Variants in CIB4 observed in about 807,000 individuals in gnomAD.
CIB4 encodes calcium and integrin-binding family member 4.
In CIB4, 25 loss-of-function variants were observed where a neutral mutation model predicts 25.8. The observed-to-expected ratio is 0.97, with a 90% CI of 0.71 to 1.35. CIB4 has a LOEUF of 1.35. Ranked by LOEUF, CIB4 falls within the 40% of genes most tolerant of loss-of-function variation. The probability of loss-of-function intolerance (pLI) is 0.00; values close to 1 mark genes in which losing one functional copy is unlikely to be tolerated. For missense variants in CIB4, 235 were observed against 228.2 expected (o/e 1.03, Z -0.19); for synonymous variants, 75 against 81.4 (o/e 0.92, Z 0.42).
intron 3 of CIB4, among the ~76,000 whole-genome samples, chr2:26,603,236 G>A (rs1026155967): frequency 2.9e-4 from 44 of 152,236 alleles, no homozygotes; most frequent in African/African-American, 9.4e-4. Context: ...TCAGAGGAAC[G>A]AAAAACACGC....
At chr2:26,586,630 C>A (rs565362825) in intron 4 of CIB4, among the ~76,000 whole-genome samples, 1 of 152,182 alleles carries the variant, frequency 6.6e-6, no homozygotes, top group African/African-American at 2.4e-5. Flanking sequence ...GAATAAATAA[C>A]GAATGAACTA....
chr2:26,621,625 C>T (rs1214157312), intron 3 of CIB4, among the ~76,000 whole-genome samples: 2 of 152,164 alleles, frequency 1.3e-5, no homozygotes, highest in African/African-American at 4.8e-5. Context: ...ACATTTATCT[C>T]CATGCAGCCT....
Position 26,639,071 on chromosome 2 carries a change from T to C in CIB4, c.89+1462A>G, listed in dbSNP as rs77895880. Among the ~76,000 whole-genome samples the C allele has an allele frequency of 6.6e-3, 1,011 of 152,144 alleles. 9 individuals are homozygous for C. Among genetic ancestry groups the C allele is most frequent in the Middle Eastern group, 0.014 (4 of 288 alleles). On this transcript the variant is annotated intron_variant, in intron 2 of 6. Coordinates refer to ENST00000288861, the MANE Select transcript of CIB4 (RefSeq NM_001029881.3). ...TGTTGGCTTATGTATGGAAAATTCT[T>C]CCAGAAGGCTAGATGGTAAGACAAA... is the stretch of plus-strand genomic sequence containing the variant.
intron 3 of CIB4, among the ~76,000 whole-genome samples, chr2:26,621,252 GAAAAAAAA>G (rs10689851): frequency 9.8e-6 from 1 of 101,912 alleles, no homozygotes; most frequent in Admixed American, 9.8e-5. Context: ...AAGTTTCCAG[GAAAAAAAA>G]AAAAAAAAAA....
At chr2:26,612,773 T>G (rs1196037217) in intron 3 of CIB4, among the ~76,000 whole-genome samples, 1 of 152,172 alleles carries the variant, frequency 6.6e-6, no homozygotes, top group African/African-American at 2.4e-5. Context: ...CGTGACGACT[T>G]TCCTGAAGGT....
intron 4 of CIB4, among the ~76,000 whole-genome samples, chr2:26,588,105 A>T (rs989422339): frequency 6.6e-6 from 1 of 152,212 alleles, no homozygotes; most frequent in African/African-American, 2.4e-5. Context: ...GAGCAGGTGA[A>T]GGGGGCGAAG....
At chr2:26,596,573 G>C (rs567897426) in intron 3 of CIB4, among the ~76,000 whole-genome samples, 2 of 151,964 alleles carry the variant, frequency 1.3e-5, no homozygotes, top group Non-Finnish European at 2.9e-5. Flanking sequence ...GTGAAACCCC[G>C]TCTCTACTAA....
chr2:26,589,099 T>TTCTTCC lies in CIB4; in HGVS notation c.329-5202_329-5201insGGAAGA, dbSNP rs1558555059. Among the ~76,000 whole-genome samples the TTCTTCC allele has an allele frequency of 8.2e-4, 62 of 75,216 alleles. 1 individual carries two copies. The highest frequency in any genetic ancestry group is 2.4e-3 in the South Asian group (4 of 1,646). The allele number at this position is 75,216 out of a possible 152,430, so 49.3% of individuals were successfully genotyped here. A position where few individuals can be genotyped will look rare whatever the true frequency, so the allele number is the denominator to read the frequency against. Reference sequence around the variant, plus strand: ...CTTCTTCTTCTTCTTCTTCTTCTTCTTCTTCTTCCTCTTCTTCTTCTTCTT... The same window carrying TTCTTCC: ...CTTCTTCTTCTTCTTCTTCTTCTTCTTCTTCCTCTTCTTCCTCTTCTTCTTCTTCTT... On this transcript the variant is annotated intron_variant, in intron 4 of 6. Transcript: ENST00000288861.
At chr2:26,603,682 A>G (rs1668835769) in intron 3 of CIB4, among the ~76,000 whole-genome samples, 1 of 152,190 alleles carries the variant, frequency 6.6e-6, no homozygotes, top group Non-Finnish European at 1.5e-5. Flanking sequence ...AAGAAGGAAA[A>G]TAAGACCCAC....
chr2:26,610,891 C>G (rs2148210144), intron 3 of CIB4, among the ~76,000 whole-genome samples: 1 of 152,240 alleles, frequency 6.6e-6, no homozygotes, highest in East Asian at 1.9e-4. Flanking sequence ...TCTGTGTGAC[C>G]CTCAAACCTG....
intron 3 of CIB4, among the ~76,000 whole-genome samples, chr2:26,613,869 C>T (rs994906462): frequency 1.3e-5 from 2 of 152,216 alleles, no homozygotes; most frequent in Non-Finnish European, 2.9e-5. Flanking sequence ...CCTCTCTGCA[C>T]CTGGGTGAAT....
At chr2:26,635,932 G>A (rs1187741971) in intron 2 of CIB4, among the ~76,000 whole-genome samples, 2 of 152,164 alleles carry the variant, frequency 1.3e-5, no homozygotes, top group East Asian at 3.8e-4. Context: ...GTGATACTGT[G>A]AAGCTTACAA....
intron 3 of CIB4, 67 bp downstream of exon 3, chr2:26,629,343 G>A: frequency 1.3e-6 from 1 of 771,284 alleles, no homozygotes. Context: ...ACCCCTCCCA[G>A]CACCCATCAG....
At chr2:26,632,153 CTCTG>C (rs1342601308) in intron 2 of CIB4, among the ~76,000 whole-genome samples, 1 of 152,220 alleles carries the variant, frequency 6.6e-6, no homozygotes, top group African/African-American at 2.4e-5. Flanking sequence ...CATATCCTGA[CTCTG>C]TCTGATGGAG....
At chr2:26,613,335 T>C (rs1466098271) in intron 3 of CIB4, among the ~76,000 whole-genome samples, 1 of 152,158 alleles carries the variant, frequency 6.6e-6, no homozygotes, top group Non-Finnish European at 1.5e-5. Context: ...CCAGCAAGGA[T>C]GTAAAGAACG....
At position 26,623,740 on chromosome 2, in the gene CIB4, G is replaced by C. The variant is rs189589378; in HGVS notation, c.186+5670C>G. On this transcript the variant is annotated intron_variant, in intron 3 of 6. Coordinates refer to ENST00000288861, the MANE Select transcript of CIB4 (RefSeq NM_001029881.3). Reference sequence around the variant, plus strand: ...GAGCAGGAGGAGGGAAGAGGCCAGGGGGGTGAGGTGGCCCCGCCAGTGTGC... The same window carrying C: ...GAGCAGGAGGAGGGAAGAGGCCAGGCGGGTGAGGTGGCCCCGCCAGTGTGC... The C allele has an allele frequency of 6.1e-4, 195 of 321,560 alleles. 2 individuals are homozygous for C. The East Asian group carries it at 0.013, about 22-fold the overall frequency. The allele number at this position is 321,560 out of a possible 1,614,324, so 19.9% of individuals were successfully genotyped here.
At chr2:26,608,900 C>T (rs1224835110) in intron 3 of CIB4, among the ~76,000 whole-genome samples, 6 of 152,158 alleles carry the variant, frequency 3.9e-5, no homozygotes, top group African/African-American at 1.4e-4. Flanking sequence ...GCTCTCTCGT[C>T]GCTCATGGTC....
intron 4 of CIB4, among the ~76,000 whole-genome samples, chr2:26,584,839 G>A (rs527691924): frequency 7.9e-4 from 121 of 152,226 alleles, no homozygotes; most frequent in Non-Finnish European, 1.3e-3. Flanking sequence ...GGGCAGCACC[G>A]GGACTTCCCA....
intron 3 of CIB4, among the ~76,000 whole-genome samples, chr2:26,608,635 G>A (rs1229698346): frequency 6.6e-6 from 1 of 152,192 alleles, no homozygotes; most frequent in Non-Finnish European, 1.5e-5. Context: ...CCTGGACAGA[G>A]CCTGCCACCC....
Sources: allele counts gnomAD v4.1 joint callset (sites outside exome capture counted in the v4.1 genomes callset), GRCh38; gene constraint gnomAD v4.1.1; transcripts MANE v1.5; gene names NCBI Gene and HGNC (gene_info 2026-07-23, HGNC 2026-07-21).